MYH10: variants seen among roughly 807,000 people sequenced by gnomAD.
MYH10 encodes the protein myosin-10.
In MYH10, 55 loss-of-function variants were observed where a neutral mutation model predicts 257.8. The observed-to-expected ratio is 0.21, with a 90% confidence interval of 0.17 to 0.27. MYH10 has a LOEUF of 0.27. Ranked by LOEUF, MYH10 falls within the 10% of genes least tolerant of loss-of-function variation. MYH10 has a pLI of 1.00. For missense variants in MYH10, 1,631 were observed against 2,500.6 expected (o/e 0.65, Z 7.42); for synonymous variants, 854 against 921.7 (o/e 0.93, Z 1.33).
intron 17 of MYH10, among the ~76,000 whole-genome samples, chr17:8,526,319 G>A (rs2081844754): frequency 6.6e-6 from 1 of 152,190 alleles, no homozygotes; most frequent in Non-Finnish European, 1.5e-5. Flanking sequence ...GACTCCAGCA[G>A]CTCCTTGAAA....
At position 8,476,066 on chromosome 17, in the gene MYH10, G is replaced by A. The variant is rs548420015; in HGVS notation, c.5880-118C>T. On this transcript the variant is annotated intron_variant, in intron 42 of 42. Coordinates refer to ENST00000360416, the MANE Select transcript of MYH10 (RefSeq NM_001256012.3). ...CCTTGCACCCCCTCCTCGGACACAC[G>A]ACCTTGTGGGGGTGGCGGTACGATG... 1.8e-5 allele frequency: 21 copies of A among 1,176,590 alleles called. No individual in the cohort carries two copies. The South Asian group carries it at 2.3e-4, about 13-fold the overall frequency. The allele number at this position is 1,176,590 out of a possible 1,614,324, so 72.9% of individuals were successfully genotyped here. A position where few individuals can be genotyped will look rare whatever the true frequency, so the allele number is the denominator to read the frequency against.
At position 8,552,764 on chromosome 17, in the gene MYH10, T is replaced by TA. The variant is rs2082679511; in HGVS notation, c.821-621dup. 6.6e-6 allele frequency among the ~76,000 whole-genome samples: 1 copy of TA among 152,146 alleles called. No individual in the cohort carries two copies. ...TATGCCTTGACAGCTACGATGAGAT[T>TA]AAGCACTAGTCTTCCCTCTGCTGCT... On this transcript the variant is annotated intron_variant, in intron 8 of 42. Transcript: ENST00000360416. This position sits in a 1 kb window ranked among gnomAD's most constrained non-coding sequence, Gnocchi z 4.8.
In MYH10 at chr17:8,493,029, G is replaced by A; in HGVS notation, c.4210-5C>T. On this transcript the variant is annotated splice_polypyrimidine_tract_variant and splice_region_variant and intron_variant, in intron 32 of 42. Transcript: ENST00000360416. ...TTTCTTCTTGGTATCAGCCAACTAG[G>A]TTTTGTGTACGGACAAACAGAAAGC... 1 of 1,612,420 alleles carries A rather than the reference G, an allele frequency of 6.2e-7. No homozygotes were observed. Among genetic ancestry groups the A allele is most frequent in the Non-Finnish European group, 8.5e-7 (1 of 1,179,614 alleles).
At chr17:8,505,881 G>A (rs2081060322) in intron 27 of MYH10, 1 of 152,888 alleles carries the variant, frequency 6.5e-6, no homozygotes, top group African/African-American at 2.4e-5. Flanking sequence ...TCGGGAGGCT[G>A]AGGCACGAGA....
At position 8,484,194 on chromosome 17, in the gene MYH10, T is replaced by C; in HGVS notation, c.5119A>G (p.Lys1707Glu). ...CTCTTCAATTTCTTTTCACTCTCTT[T>C]GGATTGAGCAAAAATCTCATCTCTG... ...ASRDEIFAQSKESEKKLKSLE... is the reference protein window; with the variant it reads ...ASRDEIFAQSEESEKKLKSLE... Residue 1707 changes from lysine (K) to glutamate (E), a missense_variant, in exon 37 of 43, where the codon AAA (lysine) becomes GAA (glutamate). By Grantham distance (56) the Lys-to-Glu change is moderately conservative. Transcript: ENST00000360416. 6 of 1,612,556 alleles carry C rather than the reference T, an allele frequency of 3.7e-6. No individual in the cohort carries two copies. The highest frequency in any genetic ancestry group is 3.3e-5 in the South Asian group (3 of 90,714).
intron 2 of MYH10, among the ~76,000 whole-genome samples, chr17:8,616,344 T>G (rs998893068): frequency 6.6e-6 from 1 of 152,056 alleles, no homozygotes; most frequent in Non-Finnish European, 1.5e-5. Flanking sequence ...ACAACATGTG[T>G]GCTCATAGAA....
intron 4 of MYH10, among the ~76,000 whole-genome samples, chr17:8,582,647 C>A (rs548912754): frequency 6.6e-6 from 1 of 152,204 alleles, no homozygotes; most frequent in East Asian, 1.9e-4. Context: ...AACATGTTTG[C>A]GTTTCCTCAA....
At chr17:8,536,525 C>G (rs887831017) in intron 14 of MYH10, among the ~76,000 whole-genome samples, 2 of 151,960 alleles carry the variant, frequency 1.3e-5, no homozygotes, top group African/African-American at 4.8e-5. Flanking sequence ...TTATGTGATG[C>G]AATTATTACT....
chr17:8,617,343 A>C (rs545672583), intron 2 of MYH10, among the ~76,000 whole-genome samples: 17 of 152,254 alleles, frequency 1.1e-4, no homozygotes, highest in African/African-American at 3.6e-4. Context: ...CTCTGAGTTG[A>C]GGCAACAGCT....
chr17:8,621,959 C>A (rs1376156555), intron 2 of MYH10, among the ~76,000 whole-genome samples: 1 of 152,178 alleles, frequency 6.6e-6, no homozygotes, highest in Admixed American at 6.5e-5. Context: ...TGTACTATCC[C>A]CAGCACCTAG....
chr17:8,545,531 T>C lies in MYH10; in HGVS notation c.1348A>G (p.Ile450Val), dbSNP rs2151950638. The change falls in exon 13 of 43, where the codon ATC (isoleucine) becomes GTC (valine). Residue 450 changes from isoleucine to valine, a missense_variant. Physicochemically the swap from Ile to Val is conservative, Grantham distance 29 (BLOSUM62 3). Coordinates refer to ENST00000360416, the MANE Select transcript of MYH10 (RefSeq NM_001256012.3). This position sits in a 1 kb window ranked among gnomAD's most constrained non-coding sequence, Gnocchi z 4.7. ...TTGGTCCTATCCAGAGCTTTATTGATGCGATGAACGAGCCAGCGAAAGAGC... is the reference window on the plus strand; with the variant it reads ...TTGGTCCTATCCAGAGCTTTATTGACGCGATGAACGAGCCAGCGAAAGAGC... ...ERLFRWLVHR[I>V]NKALDRTKRQ... The C allele has an allele frequency of 6.2e-7, 1 of 1,614,178 alleles. No individual in the cohort carries two copies. The highest frequency in any genetic ancestry group is 8.5e-7 in the Non-Finnish European group (1 of 1,180,024).
chr17:8,625,626 G>A (rs961567025), intron 1 of MYH10, among the ~76,000 whole-genome samples: 3 of 152,032 alleles, frequency 2.0e-5, no homozygotes, highest in Non-Finnish European at 4.4e-5. Context: ...ATTACAGGCA[G>A]GCCTGCACCA....
chr17:8,585,196 A>ATATATATATGTGTGTGTGTATAT lies in MYH10; in HGVS notation c.530+3884_530+3885insATATACACACACACATATATATA, dbSNP rs1360728738. Among the ~76,000 whole-genome samples the ATATATATATGTGTGTGTGTATAT allele has an allele frequency of 0.021, 17 of 794 alleles. No homozygotes were observed. The Admixed American group carries it at 0.33, about 15-fold the overall frequency. The allele number at this position is 794 out of a possible 152,430, so 0.5% of individuals were successfully genotyped here. A position where few individuals can be genotyped will look rare whatever the true frequency, so the allele number is the denominator to read the frequency against. On this transcript the variant is annotated intron_variant, in intron 4 of 42. Transcript: ENST00000360416. The stretch of plus-strand genomic sequence containing the variant: ...ATATATGTGTGTGTGTGTGTATATT[A>ATATATATATGTGTGTGTGTATAT]TATATATATATGTGTGTGTGTGTAC...
intron 17 of MYH10, among the ~76,000 whole-genome samples, chr17:8,529,289 C>T (rs931667654): frequency 3.9e-5 from 6 of 152,200 alleles, no homozygotes; most frequent in Admixed American, 1.3e-4. Context: ...GTGCCAGGTG[C>T]TGCAGAAATG....
intron 20 of MYH10, 25 bp downstream of exon 20, chr17:8,518,856 C>G: frequency 6.2e-7 from 1 of 1,602,348 alleles, no homozygotes; most frequent in Non-Finnish European, 8.5e-7. Flanking sequence ...ATCTACAAGC[C>G]AGAAAAAGAT....
intron 3 of MYH10, among the ~76,000 whole-genome samples, chr17:8,599,666 G>T (rs1427859033): frequency 6.6e-6 from 1 of 152,184 alleles, no homozygotes; most frequent in Non-Finnish European, 1.5e-5. Context: ...AAGGTGGAAG[G>T]AACTAACTTT....
At chr17:8,489,708 A>AAAACACACACACACACACACACAC (rs1555570828) in intron 35 of MYH10, among the ~76,000 whole-genome samples, 1 of 93,084 alleles carries the variant, frequency 1.1e-5, no homozygotes, top group African/African-American at 3.7e-5. Context: ...CGTCTGAAAA[A>AAAACACACACACACACACACACAC]ACACACACAC....
At chr17:8,605,006 A>G in intron 2 of MYH10, 24 bp from the exon 3 acceptor site, 1 of 1,289,360 alleles carries the variant, frequency 7.8e-7, no homozygotes, top group Non-Finnish European at 1.0e-6. Context: ...AAAATAGAGT[A>G]TTAAAAAAAA....
chr17:8,576,437 A>G (rs2083499762), intron 6 of MYH10, among the ~76,000 whole-genome samples: 1 of 152,250 alleles, frequency 6.6e-6, no homozygotes, highest in Non-Finnish European at 1.5e-5. Flanking sequence ...AAATATTAAA[A>G]TTTATTGAGA....
Sources: allele counts gnomAD v4.1 joint callset (sites outside exome capture counted in the v4.1 genomes callset), GRCh38; gene constraint gnomAD v4.1.1; non-coding constraint Gnocchi (gnomAD v3.1); transcripts MANE v1.5; gene names NCBI Gene and HGNC (gene_info 2026-07-23, HGNC 2026-07-21).